Variants in C20orf204 observed in about 807,000 individuals in gnomAD.
The protein encoded by C20orf204 is chromosome 20 open reading frame 204.
In C20orf204, 6 loss-of-function variants were observed where a neutral mutation model predicts 3.6. That is an observed-to-expected ratio of 1.68 (90% confidence interval 0.92 to 3.31). The LOEUF is 3.31. Ranked by LOEUF, C20orf204 falls within the 30% of genes most tolerant of loss-of-function variation. The pLI, the probability that C20orf204 is intolerant of heterozygous loss-of-function variation, is 0.00. For synonymous variants in C20orf204, 80 were observed against 41.4 expected, an observed-to-expected ratio of 1.93 and a Z score of -3.58; for missense variants, 167 against 89.7, an observed-to-expected ratio of 1.86 and a Z score of -3.48.
intron 1 of C20orf204, 172 bp from the exon 2 acceptor site, chr20:64,037,755 G>A: frequency 2.5e-6 from 1 of 400,880 alleles, no homozygotes; most frequent in African/African-American, 2.1e-5. Context: ...ATCCCGCCAG[G>A]CCTGTGCCTA....
In C20orf204 at chr20:64,038,295, G is replaced by GGA. The variant is rs745997965; in HGVS notation, c.281_282dup (p.His95SerfsTer41). On this transcript the variant is annotated frameshift_variant and splice_region_variant. Transcript: ENST00000636176. LOFTEE classifies it high-confidence loss of function. ...CCCGCCTTCCTCCCTTCCCTCCCCA[G>GGA]GAGCACAGTATCCTCCTGTCCATCT... The GGA allele has an allele frequency of 4.7e-6, 3 of 641,536 alleles. No individual in the cohort carries two copies. The highest frequency in any genetic ancestry group is 1.9e-5 in the African/African-American group (1 of 52,848). 39.7% of individuals were successfully genotyped at this position (641,536 alleles called of 1,614,324 possible).
Position 64,038,919 on chromosome 20 carries a change from T to C in C20orf204, c.*160T>C. On this transcript the variant is annotated 3_prime_UTR_variant, in exon 4 of 4. Coordinates refer to ENST00000636176, the MANE Select transcript of C20orf204 (RefSeq NM_001387010.1). ...CAGGACTTGGAGAAGGGAGCGCGCCTGGCCGCCGCTGGGTCACGGAGGAGG... is the reference window on the plus strand; with the variant it reads ...CAGGACTTGGAGAAGGGAGCGCGCCCGGCCGCCGCTGGGTCACGGAGGAGG... The C allele has an allele frequency of 1.4e-6, 1 of 724,736 alleles. No individual in the cohort carries two copies. Among genetic ancestry groups the C allele is most frequent in the South Asian group, 1.5e-5 (1 of 68,676 alleles). The allele number at this position is 724,736 out of a possible 1,614,324, so 44.9% of individuals were successfully genotyped here.
upstream of C20orf204, chr20:64,035,266 C>T (rs974417353): frequency 2.0e-5 from 3 of 152,230 alleles, no homozygotes; most frequent in African/African-American, 7.2e-5. Context: ...GCCCGGGTGC[C>T]AGAGCCTGGG....
chr20:64,038,399 C>T lies in C20orf204; in HGVS notation c.383C>T (p.Ala128Val), dbSNP rs773810558. 3 of 770,584 alleles carry T rather than the reference C, an allele frequency of 3.9e-6. No homozygotes were observed. The Admixed American group carries it at 5.2e-5, about 13-fold the overall frequency. The allele number at this position is 770,584 out of a possible 1,614,324, so 47.7% of individuals were successfully genotyped here. The change falls in exon 3 of 4, where the codon GCT becomes GTT. Residue 128 changes from alanine (A) to valine (V), a missense_variant. Ala to Val is a moderately conservative substitution (Grantham distance 64). Transcript: ENST00000636176. ...CTGGAGAGAGCTGCTTGGACCGTGG[C>T]TGTGCGCACCGAGGCGGTGATGCGG... ...GALERAAWTV[A>V]VRTEAVMRRH...
Position 64,037,951 on chromosome 20 carries a change from G to A in C20orf204, c.28G>A (p.Ala10Thr). 2.0e-6 allele frequency: 1 copy of A among 490,236 alleles called. No individual in the cohort carries two copies. The highest frequency in any genetic ancestry group is 3.6e-6 in the Non-Finnish European group (1 of 279,508). 30.4% of individuals were successfully genotyped at this position (490,236 alleles called of 1,614,324 possible). A position where few individuals can be genotyped will look rare whatever the true frequency, so the allele number is the denominator to read the frequency against. The change falls in exon 2 of 4, where the codon GCG becomes ACG. Residue 10 changes from alanine to threonine, a missense_variant. Coordinates refer to ENST00000636176, the MANE Select transcript of C20orf204 (RefSeq NM_001387010.1). Reference sequence around the variant, plus strand: ...GGTACCCCCTAAGCCTGCACTCTGGGCGCTCCTGCTGGCGCTGCTGGGGAC... The same window carrying A: ...GGTACCCCCTAAGCCTGCACTCTGGACGCTCCTGCTGGCGCTGCTGGGGAC... MVPPKPALWALLLALLGTAP... is the reference protein window; with the variant it reads MVPPKPALWTLLLALLGTAP...
chr20:64,039,001 A>C lies in C20orf204; in HGVS notation c.*242A>C, dbSNP rs1181139442. On this transcript the variant is annotated 3_prime_UTR_variant, in exon 4 of 4. Coordinates refer to ENST00000636176, the MANE Select transcript of C20orf204 (RefSeq NM_001387010.1). ...ACGGAGCTGGCGCTGCGGGTCCGGC[A>C]CTCCCTTCGCCTGCCTCTCTGTGGG... 7 of 683,532 alleles carry C rather than the reference A, an allele frequency of 1.0e-5. No individual in the cohort carries two copies. Among genetic ancestry groups the C allele is most frequent in the African/African-American group, 7.4e-5 (4 of 54,338 alleles). The allele number at this position is 683,532 out of a possible 1,614,324, so 42.3% of individuals were successfully genotyped here. A position where few individuals can be genotyped will look rare whatever the true frequency, so the allele number is the denominator to read the frequency against.
intron 3 of C20orf204, 41 bp downstream of exon 3, chr20:64,038,489 AC>A: frequency 4.5e-6 from 3 of 673,530 alleles, no homozygotes; most frequent in Non-Finnish European, 8.1e-6. Flanking sequence ...ACCTCCCTTA[AC>A]CCCCACAGGG....
chr20:64,036,737 G>C (rs1050112206), intron 1 of C20orf204: 2 of 152,324 alleles, frequency 1.3e-5, no homozygotes, highest in African/African-American at 2.4e-5. Flanking sequence ...GGAATGACGT[G>C]GCAATTCTGA....
chr20:64,036,774 T>G (rs2059338983), intron 1 of C20orf204: 1 of 152,238 alleles, frequency 6.6e-6, no homozygotes, highest in Non-Finnish European at 1.5e-5. Flanking sequence ...GTGGCGTGTG[T>G]GGTTGGGGGG....
rs377235384 is a variant in C20orf204 at position 64,038,196 on chromosome 20, C to A, written c.273C>A (p.Ala91=). 2.9e-4 allele frequency: 196 copies of A among 665,124 alleles called. No homozygotes were observed. The highest frequency in any genetic ancestry group is 4.5e-4 in the Non-Finnish European group (164 of 361,722). 41.2% of individuals were successfully genotyped at this position (665,124 alleles called of 1,614,324 possible). A position where few individuals can be genotyped will look rare whatever the true frequency, so the allele number is the denominator to read the frequency against. Residue 91 remains alanine (A), a synonymous_variant, in exon 2 of 4, where the codon GCC becomes GCA. Transcript: ENST00000636176. ...RRGRPRASCG[A]QKEHSILLSI... is the part of the protein sequence containing the mutation. ...GACGGCCTCGGGCCTCCTGTGGCGC[C>A]CAGAAGGTATGGAGGAGGCGCCCCT... is the stretch of plus-strand genomic sequence containing the variant.
chr20:64,038,716 A>G lies in C20orf204; in HGVS notation c.527A>G (p.Glu176Gly). The change falls in exon 4 of 4, where the codon GAG becomes GGG. Residue 176 changes from glutamate (E) to glycine (G), a missense_variant. Physicochemically the swap from Glu to Gly is moderately conservative, Grantham distance 98. Transcript: ENST00000636176. Reference protein sequence around the residue: ...RALDAVATCWEKLFALRAPAS... With the variant: ...RALDAVATCWGKLFALRAPAS... ...CTGGACGCCGTCGCCACCTGCTGGG[A>G]GAAGCTCTTCGCGCTGCGCGCCCCG... The G allele has an allele frequency of 4.4e-6, 3 of 683,442 alleles. No homozygotes were observed. The highest frequency in any genetic ancestry group is 8.0e-6 in the Non-Finnish European group (3 of 373,772). The allele number at this position is 683,442 out of a possible 1,614,324, so 42.3% of individuals were successfully genotyped here.
chr20:64,038,648 TG>T lies in C20orf204; in HGVS notation c.460del (p.Ala154ProfsTer63). 1 of 621,132 alleles carries T rather than the reference TG, an allele frequency of 1.6e-6. No individual in the cohort carries two copies. Among genetic ancestry groups the T allele is most frequent in the South Asian group, 1.8e-5 (1 of 56,458 alleles). 38.5% of individuals were successfully genotyped at this position (621,132 alleles called of 1,614,324 possible). On this transcript the variant is annotated frameshift_variant, in exon 4 of 4. Coordinates refer to ENST00000636176, the MANE Select transcript of C20orf204 (RefSeq NM_001387010.1). LOFTEE classifies it low-confidence loss of function (END_TRUNC). ...QRSRRPKMRP[A>X]RRRGGRRQLL... ...GGAGCCGGCGGCCCAAGATGCGCCC[TG>T]CCCGGCGTCGCGGCGGCCGAAGGCA...
chr20:64,034,914 AG>A, upstream of C20orf204: 1 of 152,390 alleles, frequency 6.6e-6, no homozygotes, highest in Non-Finnish European at 1.5e-5. Context: ...AGGCGTAGGA[AG>A]GAAGCCCTTC....
chr20:64,038,912 G>C lies in C20orf204; in HGVS notation c.*153G>C. 1 of 729,098 alleles carries C rather than the reference G, an allele frequency of 1.4e-6. No individual in the cohort carries two copies. The highest frequency in any genetic ancestry group is 2.5e-6 in the Non-Finnish European group (1 of 394,402). The allele number at this position is 729,098 out of a possible 1,614,324, so 45.2% of individuals were successfully genotyped here. On this transcript the variant is annotated 3_prime_UTR_variant, in exon 4 of 4. Coordinates refer to ENST00000636176, the MANE Select transcript of C20orf204 (RefSeq NM_001387010.1). ...GAGGGCCCAGGACTTGGAGAAGGGA[G>C]CGCGCCTGGCCGCCGCTGGGTCACG... is the stretch of plus-strand genomic sequence containing the variant.
rs1464551974 is a variant in C20orf204 at position 64,038,795 on chromosome 20, C to T, written c.*36C>T. The T allele has an allele frequency of 4.3e-6, 3 of 696,992 alleles. 1 individual carries two copies. In the Admixed American group the frequency reaches 6.2e-5, roughly 14 times the overall value. The allele number at this position is 696,992 out of a possible 1,614,324, so 43.2% of individuals were successfully genotyped here. ...CCTGGCCCTGCGCGGGGAGGAGAAC[C>T]AGCGGGGCCGCGGCAGAGCCTGGAG... On this transcript the variant is annotated 3_prime_UTR_variant, in exon 4 of 4. Transcript: ENST00000636176.
chr20:64,037,460 G>A (rs3764736), intron 1 of C20orf204: 7,710 of 157,424 alleles, frequency 0.049, 270 homozygotes, highest in East Asian at 0.16. Context: ...ACTTCCTACT[G>A]TACCCCCAAG....
intron 3 of C20orf204, 28 bp downstream of exon 3, chr20:64,038,476 C>G (rs1457025332): frequency 6.9e-6 from 5 of 724,058 alleles, no homozygotes; most frequent in Admixed American, 1.9e-5. Flanking sequence ...CACCCAGAGC[C>G]AGACCTCCCT....
upstream of C20orf204, among the ~76,000 whole-genome samples, chr20:64,034,178 GA>G (rs2059329877): frequency 6.6e-6 from 1 of 152,232 alleles, no homozygotes; most frequent in African/African-American, 2.4e-5. Flanking sequence ...TGTTCCTTGT[GA>G]GAGGGGAGCC....
chr20:64,037,028 G>A (rs969972830), intron 1 of C20orf204: 1 of 152,338 alleles, frequency 6.6e-6, no homozygotes, highest in Non-Finnish European at 1.5e-5. Flanking sequence ...GGGGCCCAGG[G>A]GAAGGGTTGG....
Sources: gnomAD v4.1 joint callset for allele counts (sites outside exome capture counted in the v4.1 genomes callset) on GRCh38, gnomAD v4.1.1 for gene constraint, MANE v1.5 for transcripts, NCBI Gene and HGNC (gene_info 2026-07-23, HGNC 2026-07-21) for gene names.